Variants in SLMAP observed in about 807,000 individuals in gnomAD.
The protein encoded by SLMAP is sarcolemmal membrane-associated protein.
Under a neutral mutation model 128.8 loss-of-function variants are expected in SLMAP, and 44 were observed. The observed-to-expected ratio is 0.34, with a 90% CI of 0.27 to 0.44. The LOEUF is 0.44. SLMAP is among the 20% of genes least tolerant of loss of function. The pLI is 1.00. For synonymous variants in SLMAP, 327 were observed against 348.8 expected, an observed-to-expected ratio of 0.94 and a Z score of 0.70; for missense variants, 787 against 985.3, an observed-to-expected ratio of 0.80 and a Z score of 2.69.
intron 6 of SLMAP, among the ~76,000 whole-genome samples, chr3:57,851,050 CTATAT>C (rs1263510876): frequency 6.6e-6 from 1 of 152,160 alleles, no homozygotes; most frequent in African/African-American, 2.4e-5. Context: ...AGCACTTTAC[CTATAT>C]TATTTAATTC....
intron 13 of SLMAP, among the ~76,000 whole-genome samples, chr3:57,867,448 A>T (rs2095337098): frequency 6.6e-6 from 1 of 152,178 alleles, no homozygotes; most frequent in Non-Finnish European, 1.5e-5. Context: ...GATTTTAAGA[A>T]TAAATATTTT....
At chr3:57,842,778 T>A (rs1217487931) in intron 4 of SLMAP, among the ~76,000 whole-genome samples, 1 of 152,224 alleles carries the variant, frequency 6.6e-6, no homozygotes, top group Non-Finnish European at 1.5e-5. Context: ...AATATTAGTA[T>A]CACTTAAATT....
At chr3:57,923,227 C>T (rs1016365472) in intron 23 of SLMAP, among the ~76,000 whole-genome samples, 6 of 152,184 alleles carry the variant, frequency 3.9e-5, no homozygotes, top group Non-Finnish European at 8.8e-5. Flanking sequence ...CCTAGAAGAG[C>T]CTCAGGACTG....
chr3:57,759,032 G>C (rs75311316), intron 2 of SLMAP, among the ~76,000 whole-genome samples: 1 of 152,152 alleles, frequency 6.6e-6, no homozygotes, highest in Non-Finnish European at 1.5e-5. Flanking sequence ...AGAAAAAAAT[G>C]ATACTTCGGC....
chr3:57,840,227 T>G (rs1051168398), intron 3 of SLMAP, among the ~76,000 whole-genome samples: 1 of 152,256 alleles, frequency 6.6e-6, no homozygotes, highest in African/African-American at 2.4e-5. Flanking sequence ...GTACCGGGAT[T>G]ACAGGCGTGA....
intron 2 of SLMAP, among the ~76,000 whole-genome samples, chr3:57,797,504 G>A (rs2087055787): frequency 6.6e-6 from 1 of 151,268 alleles, no homozygotes; most frequent in African/African-American, 2.4e-5. Flanking sequence ...AAAAAAGTAC[G>A]AGGCAGGAGA....
chr3:57,820,717 T>G (rs532242798), intron 2 of SLMAP, among the ~76,000 whole-genome samples: 1 of 152,192 alleles, frequency 6.6e-6, no homozygotes, highest in Admixed American at 6.5e-5. Flanking sequence ...TAAGCAAACC[T>G]TAGAGATACC....
chr3:57,887,235 A>ATTT (rs1327302890), intron 14 of SLMAP, among the ~76,000 whole-genome samples: 14 of 141,388 alleles, frequency 9.9e-5, no homozygotes, highest in Non-Finnish European at 2.0e-4. Flanking sequence ...AAGCCATGAG[A>ATTT]TTTTTTTTTT....
chr3:57,903,424 T>A (rs1026569076), intron 17 of SLMAP, among the ~76,000 whole-genome samples: 3 of 152,224 alleles, frequency 2.0e-5, no homozygotes, highest in Admixed American at 1.3e-4. Flanking sequence ...ATGTTATGGC[T>A]AGGTCAGCTT....
At position 57,929,478 on chromosome 3, in the gene SLMAP, T is replaced by TA. The variant is rs1200909091; in HGVS notation, c.*2190dup. The stretch of plus-strand genomic sequence containing the variant: ...AGTGGAATAAATGGCTTTTTGTAGT[T>TA]ACTTCCAGTTTTCCTCAAGAATAGA... On this transcript the variant is annotated 3_prime_UTR_variant, in exon 25 of 25. Coordinates refer to ENST00000671191, the MANE Select transcript of SLMAP (RefSeq NM_001377540.1). Among the ~76,000 whole-genome samples, 1 of 152,214 alleles carries TA rather than the reference T, an allele frequency of 6.6e-6. No homozygotes were observed.
intron 2 of SLMAP, among the ~76,000 whole-genome samples, chr3:57,788,419 A>G (rs1029715207): frequency 2.6e-5 from 4 of 152,200 alleles, no homozygotes; most frequent in Admixed American, 6.6e-5. Context: ...TAAAGAGGAC[A>G]GTTAGAGGTA....
chr3:57,860,609 TA>T, intron 8 of SLMAP, 89 bp from the exon 9 acceptor site: 1 of 971,400 alleles, frequency 1.0e-6, no homozygotes, highest in Non-Finnish European at 1.5e-6. Flanking sequence ...ATATATAATT[TA>T]AAGTATATCA....
intron 2 of SLMAP, among the ~76,000 whole-genome samples, chr3:57,816,520 T>C (rs1184360873): frequency 6.6e-6 from 1 of 152,226 alleles, no homozygotes; most frequent in Non-Finnish European, 1.5e-5. Context: ...GCCTACTTTA[T>C]GTTAAATCAC....
At chr3:57,925,256 G>C (rs932529167) in intron 23 of SLMAP, among the ~76,000 whole-genome samples, 2 of 150,728 alleles carry the variant, frequency 1.3e-5, no homozygotes, top group African/African-American at 4.9e-5. Flanking sequence ...CATTCGGCCT[G>C]CTCTGTCTTC....
intron 17 of SLMAP, among the ~76,000 whole-genome samples, chr3:57,906,050 TAAA>T (rs1168626870): frequency 2.8e-5 from 3 of 105,988 alleles, no homozygotes; most frequent in African/African-American, 3.6e-5. Context: ...AAATACTCCT[TAAA>T]AAAAAAAAAA....
chr3:57,912,330 A>G (rs2096720729), intron 19 of SLMAP, 51 bp from the exon 20 acceptor site: 1 of 1,506,910 alleles, frequency 6.6e-7, no homozygotes, highest in Non-Finnish European at 9.2e-7. Flanking sequence ...TCCTGTATGG[A>G]TTATTCTTTT....
chr3:57,811,044 T>C (rs1257206658), intron 2 of SLMAP, among the ~76,000 whole-genome samples: 1 of 152,228 alleles, frequency 6.6e-6, no homozygotes, highest in East Asian at 1.9e-4. Flanking sequence ...TAGGCTCATA[T>C]ATCCAGCTGC....
chr3:57,765,330 G>T (rs2079464548), intron 2 of SLMAP, among the ~76,000 whole-genome samples: 1 of 152,176 alleles, frequency 6.6e-6, no homozygotes, highest in Non-Finnish European at 1.5e-5. Context: ...TAGGCCAGGA[G>T]TTCAAGGCTA....
chr3:57,772,510 T>C (rs1296637969), intron 2 of SLMAP, among the ~76,000 whole-genome samples: 3 of 152,258 alleles, frequency 2.0e-5, no homozygotes, highest in Admixed American at 6.5e-5. Flanking sequence ...TGAGCACTTA[T>C]ACCTCAGCTT....
Sources: allele counts gnomAD v4.1 joint callset (sites outside exome capture counted in the v4.1 genomes callset), GRCh38; gene constraint gnomAD v4.1.1; transcripts MANE v1.5; gene names NCBI Gene and HGNC (gene_info 2026-07-23, HGNC 2026-07-21).